Variants in GPR137C observed in about 807,000 individuals in gnomAD.
GPR137C encodes integral membrane protein GPR137C.
Under a neutral mutation model 43.4 loss-of-function variants are expected in GPR137C, and 27 were observed. The observed-to-expected ratio is 0.62, with a 90% confidence interval of 0.46 to 0.86. The LOEUF (loss-of-function observed/expected upper bound fraction) is 0.86, where lower values mean the gene tolerates loss of function less well. Among genes scored for constraint, GPR137C ranks in the 40% least tolerant of loss-of-function variants. The pLI, the probability that GPR137C is intolerant of heterozygous loss-of-function variation, is 0.00. For missense variants in GPR137C, 522 were observed against 534.6 expected (o/e 0.98, Z 0.23); for synonymous variants, 285 against 226.9 (o/e 1.26, Z -2.30).
chr14:52,584,234 A>G (rs570430981), intron 1 of GPR137C, among the ~76,000 whole-genome samples: 14 of 152,238 alleles, frequency 9.2e-5, no homozygotes, highest in Admixed American at 6.5e-4. Context: ...TTGTCCAAAG[A>G]CAATAAGTTT....
chr14:52,595,074 T>C (rs567429354), intron 1 of GPR137C, among the ~76,000 whole-genome samples: 1 of 152,328 alleles, frequency 6.6e-6, no homozygotes, highest in African/African-American at 2.4e-5. Context: ...CCTTCGCTTA[T>C]GAAGCTTAGT....
chr14:52,569,685 G>A (rs147895786), intron 1 of GPR137C, among the ~76,000 whole-genome samples: 8,410 of 151,620 alleles, frequency 0.055, 265 homozygotes, highest in Middle Eastern at 0.075. Context: ...CAGAAGAAAG[G>A]ATATCAGAGA....
chr14:52,629,359 CATATA>C (rs1220112355), intron 3 of GPR137C, among the ~76,000 whole-genome samples: 2 of 152,146 alleles, frequency 1.3e-5, no homozygotes, highest in Non-Finnish European at 2.9e-5. Flanking sequence ...TAAACAAACT[CATATA>C]ATCAGAAAGT....
In GPR137C at chr14:52,634,927, T is replaced by C; in HGVS notation, c.1113-11T>C. 6.2e-7 allele frequency: 1 copy of C among 1,610,830 alleles called. No homozygotes were observed. The highest frequency in any genetic ancestry group is 1.1e-5 in the South Asian group (1 of 90,334). ...TAGTCCTATGGTCTTTTTGCCTTTT[T>C]TTTGTTGCAGTTTACCAAATTCGCA... On this transcript the variant is annotated splice_polypyrimidine_tract_variant and intron_variant, in intron 6 of 6. Transcript: ENST00000321662.
chr14:52,619,186 CT>C (rs995627594), intron 3 of GPR137C, among the ~76,000 whole-genome samples: 1 of 152,098 alleles, frequency 6.6e-6, no homozygotes, highest in African/African-American at 2.4e-5. Flanking sequence ...TATTTCTTAT[CT>C]TTCATACAAG....
At chr14:52,578,712 G>A (rs888532844) in intron 1 of GPR137C, among the ~76,000 whole-genome samples, 2 of 152,138 alleles carry the variant, frequency 1.3e-5, no homozygotes, top group African/African-American at 2.4e-5. Flanking sequence ...GAGGTGGGCG[G>A]ATCACCTGAG....
chr14:52,556,384 CTTTT>C (rs1360676227), intron 1 of GPR137C, among the ~76,000 whole-genome samples: 1 of 107,764 alleles, frequency 9.3e-6, no homozygotes, highest in Non-Finnish European at 1.8e-5. Flanking sequence ...GCCTCAACCC[CTTTT>C]TTCTTTTTTT....
At chr14:52,590,468 A>G (rs758823467) in intron 1 of GPR137C, among the ~76,000 whole-genome samples, 20 of 152,216 alleles carry the variant, frequency 1.3e-4, no homozygotes, top group South Asian at 2.1e-4. Context: ...TAAAGTCTAC[A>G]GTAGTGTACA....
At chr14:52,572,094 G>A (rs1182816942) in intron 1 of GPR137C, among the ~76,000 whole-genome samples, 1 of 152,134 alleles carries the variant, frequency 6.6e-6, no homozygotes, top group Non-Finnish European at 1.5e-5. Flanking sequence ...CTGAAATTGA[G>A]GCAATAATTA....
intron 1 of GPR137C, among the ~76,000 whole-genome samples, chr14:52,571,969 C>G (rs1407929820): frequency 6.6e-6 from 1 of 152,154 alleles, no homozygotes; most frequent in Non-Finnish European, 1.5e-5. Context: ...CTGCAAACAC[C>G]TGTACACAAA....
chr14:52,562,334 A>G (rs2038298551), intron 1 of GPR137C, among the ~76,000 whole-genome samples: 1 of 152,236 alleles, frequency 6.6e-6, no homozygotes, highest in Non-Finnish European at 1.5e-5. Flanking sequence ...TGTGAAAATT[A>G]TATACTTCAT....
At chr14:52,607,464 A>T (rs1006159787) in intron 3 of GPR137C, among the ~76,000 whole-genome samples, 2 of 151,926 alleles carry the variant, frequency 1.3e-5, no homozygotes, top group African/African-American at 4.8e-5. Flanking sequence ...TGCTTCATAT[A>T]TTTGGGTGTT....
Position 52,635,144 on chromosome 14 carries a change from T to A in GPR137C, c.*29T>A, listed in dbSNP as rs1271839089. Reference sequence around the variant, plus strand: ...CATCACCAAGTCATGATTCTTGAGTTGTTTTTCATAAATGTGTATATTCAA... The same window carrying A: ...CATCACCAAGTCATGATTCTTGAGTAGTTTTTCATAAATGTGTATATTCAA... On this transcript the variant is annotated 3_prime_UTR_variant, in exon 7 of 7. Coordinates refer to ENST00000321662, the MANE Select transcript of GPR137C (RefSeq NM_001099652.2). The A allele has an allele frequency of 1.3e-6, 2 of 1,513,118 alleles. No individual in the cohort carries two copies. Among genetic ancestry groups the A allele is most frequent in the Admixed American group, 4.6e-5 (2 of 43,100 alleles). The allele number at this position is 1,513,118 out of a possible 1,614,324, so 93.7% of individuals were successfully genotyped here.
intron 3 of GPR137C, among the ~76,000 whole-genome samples, chr14:52,625,382 T>G (rs2039210852): frequency 1.3e-5 from 2 of 148,396 alleles, no homozygotes; most frequent in Non-Finnish European, 3.0e-5. Context: ...CTCGGGAGAC[T>G]GAGGCAGGAG....
intron 1 of GPR137C, among the ~76,000 whole-genome samples, chr14:52,557,331 C>CT (rs1185848298): frequency 1.3e-5 from 2 of 152,128 alleles, no homozygotes; most frequent in African/African-American, 4.8e-5. Flanking sequence ...TGTCTGGAAT[C>CT]TATTTTCTGC....
rs111802973 is a variant in GPR137C, at chr14:52,578,191, A to G, written c.445-20081A>G. Among the ~76,000 whole-genome samples the G allele has an allele frequency of 1.8e-3, 278 of 152,304 alleles. 1 individual carries two copies. Among genetic ancestry groups the G allele is most frequent in the African/African-American group, 6.4e-3 (267 of 41,578 alleles). ...TTCTATCCATTTTGCCGGATATTCA[A>G]CAAGCCCCTTCAACTTACTAACATG... is the stretch of plus-strand genomic sequence containing the variant. On this transcript the variant is annotated intron_variant, in intron 1 of 6. Transcript: ENST00000321662.
intron 3 of GPR137C, among the ~76,000 whole-genome samples, chr14:52,614,683 C>T (rs528534166): frequency 9.9e-5 from 15 of 151,856 alleles, no homozygotes; most frequent in African/African-American, 3.6e-4. Context: ...GACGGGGTCT[C>T]GCTATGTTAC....
At chr14:52,585,913 G>A (rs986993323) in intron 1 of GPR137C, among the ~76,000 whole-genome samples, 1 of 152,166 alleles carries the variant, frequency 6.6e-6, no homozygotes, top group Non-Finnish European at 1.5e-5. Context: ...GGCTAAAGCA[G>A]CAACAAAAGC....
chr14:52,611,514 A>G (rs2039039018), intron 3 of GPR137C: 1 of 351,650 alleles, frequency 2.8e-6, no homozygotes, highest in Non-Finnish European at 4.0e-6. Context: ...TAAGGATACA[A>G]CCTCCTTTTG....
Sources: gnomAD v4.1 joint callset for allele counts (sites outside exome capture counted in the v4.1 genomes callset) on GRCh38, gnomAD v4.1.1 for gene constraint, MANE v1.5 for transcripts, NCBI Gene and HGNC (gene_info 2026-07-23, HGNC 2026-07-21) for gene names.